ATP2B1: variants seen among roughly 807,000 people sequenced by gnomAD.
ATP2B1 encodes the protein plasma membrane calcium-transporting ATPase 1.
ATP2B1 carries 14 observed loss-of-function variants against 124.2 expected under a neutral mutation model. The ratio of observed to expected loss-of-function variants is 0.11; its 90% CI spans 0.07 to 0.18. The LOEUF (loss-of-function observed/expected upper bound fraction) is 0.18. ATP2B1 is among the 10% of genes least tolerant of loss of function. ATP2B1 has a pLI of 1.00. For synonymous variants in ATP2B1, 449 were observed against 492.4 expected, an observed-to-expected ratio of 0.91 and a Z score of 1.17; for missense variants, 763 against 1,466.1, an observed-to-expected ratio of 0.52 and a Z score of 7.83.
chr12:89,655,018 T>TGTTATAATG (rs1422427295), intron 2 of ATP2B1, among the ~76,000 whole-genome samples: 18 of 152,288 alleles, frequency 1.2e-4, no homozygotes, highest in African/African-American at 4.3e-4. Flanking sequence ...AAGACCATAA[T>TGTTATAATG]GCCAGAAAGT....
Position 89,604,290 on chromosome 12 carries a change from G to A in ATP2B1, c.2499C>T (p.Asp833=). Residue 833 remains aspartate (D), a synonymous_variant, in exon 16 of 21, where the codon GAC becomes GAT. Coordinates refer to ENST00000428670, the MANE Select transcript of ATP2B1 (RefSeq NM_001366521.1). ...KEASDIILTD[D]NFTSIVKAVM... ...CTGCTTTAACAATGCTTGTAAAGTT[G>A]TCATCTGTGAGAATAATATCGGATG... 6.2e-7 allele frequency: 1 copy of A among 1,613,604 alleles called. No homozygotes were observed. The highest frequency in any genetic ancestry group is 1.3e-5 in the African/African-American group (1 of 74,978).
chr12:89,657,553 A>G (rs1219553210), intron 1 of ATP2B1, among the ~76,000 whole-genome samples: 1 of 152,228 alleles, frequency 6.6e-6, no homozygotes, highest in Non-Finnish European at 1.5e-5. Flanking sequence ...AGAATGGCAA[A>G]TGCAATAAAT....
chr12:89,647,859 G>C (rs1884707411), intron 2 of ATP2B1, among the ~76,000 whole-genome samples: 1 of 152,090 alleles, frequency 6.6e-6, no homozygotes, highest in African/African-American at 2.4e-5. Flanking sequence ...GTTCATGCCA[G>C]ATCTGGTTAA....
chr12:89,606,782 G>C (rs1373835195), intron 15 of ATP2B1, among the ~76,000 whole-genome samples: 3 of 151,840 alleles, frequency 2.0e-5, no homozygotes, highest in African/African-American at 7.3e-5. Flanking sequence ...TACCATGTTG[G>C]CGAGACTGGT....
At chr12:89,708,007 G>A (rs941279955) in intron 1 of ATP2B1, among the ~76,000 whole-genome samples, 3 of 152,234 alleles carry the variant, frequency 2.0e-5, no homozygotes, top group East Asian at 3.9e-4. Flanking sequence ...CAGACGGAAG[G>A]CGTGAGGAGA....
At chr12:89,633,835 T>C (rs574924866) in intron 5 of ATP2B1, among the ~76,000 whole-genome samples, 1 of 152,238 alleles carries the variant, frequency 6.6e-6, no homozygotes, top group East Asian at 1.9e-4. Context: ...AGGCTACATT[T>C]GGCTTTCCCA....
intron 8 of ATP2B1, among the ~76,000 whole-genome samples, chr12:89,625,099 T>C (rs778949716): frequency 1.1e-4 from 16 of 149,592 alleles, no homozygotes; most frequent in Non-Finnish European, 2.1e-4. Context: ...TGAAACCCCA[T>C]CTCTACCAAA....
intron 1 of ATP2B1, among the ~76,000 whole-genome samples, chr12:89,683,527 C>T (rs978069342): frequency 1.3e-5 from 2 of 152,216 alleles, no homozygotes; most frequent in East Asian, 3.8e-4. Context: ...CCAATATCAG[C>T]AGTCATCCCA....
At chr12:89,645,231 A>AT in intron 2 of ATP2B1, among the ~76,000 whole-genome samples, 1 of 152,254 alleles carries the variant, frequency 6.6e-6, no homozygotes, top group Non-Finnish European at 1.5e-5. Flanking sequence ...TGGAACACAA[A>AT]TTATAAACTG....
At chr12:89,707,915 G>C (rs1016871814) in intron 1 of ATP2B1, among the ~76,000 whole-genome samples, 3 of 152,206 alleles carry the variant, frequency 2.0e-5, no homozygotes, top group Non-Finnish European at 4.4e-5. Flanking sequence ...TCCTCAAAAA[G>C]GGAGGTGGGG....
chr12:89,695,957 T>C (rs2136788284), intron 1 of ATP2B1, among the ~76,000 whole-genome samples: 1 of 152,288 alleles, frequency 6.6e-6, no homozygotes, highest in South Asian at 2.1e-4. Context: ...ACAGTTTCTA[T>C]AAGATGCAGA....
chr12:89,700,811 A>G (rs962146612), intron 1 of ATP2B1, among the ~76,000 whole-genome samples: 4 of 152,218 alleles, frequency 2.6e-5, no homozygotes, highest in Admixed American at 6.5e-5. Flanking sequence ...TACCTTACCA[A>G]CAATTAGACC....
intron 20 of ATP2B1, chr12:89,593,406 T>C (rs1051759067): frequency 2.6e-5 from 4 of 152,082 alleles, no homozygotes; most frequent in African/African-American, 9.7e-5. Context: ...CCTGAAGATG[T>C]TGCTTATTTG....
intron 1 of ATP2B1, among the ~76,000 whole-genome samples, chr12:89,684,886 A>C (rs967717784): frequency 3.9e-5 from 6 of 152,192 alleles, no homozygotes; most frequent in African/African-American, 1.4e-4. Context: ...CATTGTTTAC[A>C]GTTGTATTTC....
At chr12:89,688,383 A>G (rs532275288) in intron 1 of ATP2B1, among the ~76,000 whole-genome samples, 2 of 152,264 alleles carry the variant, frequency 1.3e-5, no homozygotes, top group African/African-American at 2.4e-5. Context: ...CACAACTATT[A>G]TAAACTGCTG....
chr12:89,697,916 T>C (rs1891364476), intron 1 of ATP2B1, among the ~76,000 whole-genome samples: 1 of 151,958 alleles, frequency 6.6e-6, no homozygotes, highest in Admixed American at 6.6e-5. Context: ...CGCTCTGTTG[T>C]CCAGGCTGGA....
At chr12:89,598,499 C>G (rs1208592295) in intron 20 of ATP2B1, 29 of 1,388,274 alleles carry the variant, frequency 2.1e-5, no homozygotes, top group Non-Finnish European at 2.6e-5. Context: ...AAAGCCTGAA[C>G]AATGAATTCA....
chr12:89,607,936 C>G (rs1022570484), intron 15 of ATP2B1, among the ~76,000 whole-genome samples: 2 of 151,732 alleles, frequency 1.3e-5, no homozygotes, highest in African/African-American at 4.8e-5. Flanking sequence ...ATCTATAGAT[C>G]AACAAATCAA....
chr12:89,614,486 C>G (rs1878606341), intron 12 of ATP2B1, among the ~76,000 whole-genome samples: 1 of 152,232 alleles, frequency 6.6e-6, no homozygotes, highest in African/African-American at 2.4e-5. Context: ...TCTCAACAGG[C>G]TGCTGTTTCT....
Sources: allele counts gnomAD v4.1 joint callset (sites outside exome capture counted in the v4.1 genomes callset), GRCh38; gene constraint gnomAD v4.1.1; transcripts MANE v1.5; gene names NCBI Gene and HGNC (gene_info 2026-07-23, HGNC 2026-07-21).